Variants in SEL1L observed in about 807,000 individuals in gnomAD.
SEL1L encodes the protein protein sel-1 homolog 1.
In SEL1L, 52 loss-of-function variants were observed where a neutral mutation model predicts 109.8. That is an observed-to-expected ratio of 0.47 (90% CI 0.38 to 0.60). The LOEUF (loss-of-function observed/expected upper bound fraction) is 0.60. Among genes scored for constraint, SEL1L ranks in the 20% least tolerant of loss-of-function variants. The pLI is 0.00. For synonymous variants in SEL1L, 373 were observed against 339.6 expected (o/e 1.10, Z -1.08); for missense variants, 749 against 962.2 (o/e 0.78, Z 2.93).
chr14:81,508,321 G>A (rs920740554), intron 3 of SEL1L, among the ~76,000 whole-genome samples: 3 of 152,034 alleles, frequency 2.0e-5, no homozygotes, highest in African/African-American at 7.3e-5. Context: ...TTAAAGAAAG[G>A]ATCTCTAATG....
At chr14:81,530,644 C>T (rs1885285509) in intron 1 of SEL1L, among the ~76,000 whole-genome samples, 1 of 152,200 alleles carries the variant, frequency 6.6e-6, no homozygotes, top group Admixed American at 6.5e-5. Context: ...AACCTTTTCA[C>T]TATTATCCTG....
At chr14:81,490,291 A>C in intron 13 of SEL1L, 97 bp downstream of exon 13, 1 of 848,916 alleles carries the variant, frequency 1.2e-6, no homozygotes, top group South Asian at 1.6e-5. Context: ...AATGTATAGC[A>C]TGAGTTGGTT....
chr14:81,495,201 C>A, intron 10 of SEL1L, 64 bp from the exon 11 acceptor site: 4 of 1,431,360 alleles, frequency 2.8e-6, no homozygotes, highest in Non-Finnish European at 2.9e-6. Flanking sequence ...TAAAATCAGA[C>A]CAACAAGAAA....
Position 81,517,693 on chromosome 14 carries a change from C to T in SEL1L, c.340+9040G>A, listed in dbSNP as rs946623114. Among the ~76,000 whole-genome samples, 13 of 152,200 alleles carry T rather than the reference C, an allele frequency of 8.5e-5. 1 individual carries two copies. The highest frequency in any genetic ancestry group is 3.1e-4 in the African/African-American group (13 of 41,526). ...ATAGCTTTATATTTTGTGGCTATTGCATCTAGATGTATTGTAAAAATTAAA... is the reference window on the plus strand; with the variant it reads ...ATAGCTTTATATTTTGTGGCTATTGTATCTAGATGTATTGTAAAAATTAAA... On this transcript the variant is annotated intron_variant, in intron 3 of 20. Coordinates refer to ENST00000336735, the MANE Select transcript of SEL1L (RefSeq NM_005065.6).
At chr14:81,495,005 A>C in intron 11 of SEL1L, 76 bp downstream of exon 11, 4 of 1,421,204 alleles carry the variant, frequency 2.8e-6, no homozygotes, top group Non-Finnish European at 3.9e-6. Context: ...ACTGGTATTG[A>C]CTTAGCAAGA....
At chr14:81,510,558 C>A (rs2140033366) in intron 3 of SEL1L, among the ~76,000 whole-genome samples, 2 of 148,262 alleles carry the variant, frequency 1.3e-5, no homozygotes, top group African/African-American at 2.5e-5. Context: ...GGAATATAAG[C>A]ACATCTTTTT....
At chr14:81,518,475 C>T (rs1416444809) in intron 3 of SEL1L, among the ~76,000 whole-genome samples, 1 of 151,310 alleles carries the variant, frequency 6.6e-6, no homozygotes, top group African/African-American at 2.4e-5. Context: ...GCCTGGCCAA[C>T]CTGGTGAAAC....
At chr14:81,481,933 A>G (rs1286897501) in intron 19 of SEL1L, among the ~76,000 whole-genome samples, 2 of 152,028 alleles carry the variant, frequency 1.3e-5, no homozygotes, top group African/African-American at 4.8e-5. Flanking sequence ...CGGGAGGCTG[A>G]GGCAGGAGAA....
chr14:81,520,860 T>C (rs2140051595), intron 3 of SEL1L, among the ~76,000 whole-genome samples: 1 of 152,306 alleles, frequency 6.6e-6, no homozygotes, highest in East Asian at 1.9e-4. Context: ...AAACCAGTGA[T>C]GTCTCATGTC....
intron 3 of SEL1L, among the ~76,000 whole-genome samples, chr14:81,509,038 A>AC: frequency 6.6e-6 from 1 of 152,318 alleles, no homozygotes; most frequent in Non-Finnish European, 1.5e-5. Flanking sequence ...CAAAACTGCA[A>AC]CCTGTCAAAA....
At chr14:81,518,680 A>AT (rs1308013147) in intron 3 of SEL1L, among the ~76,000 whole-genome samples, 4 of 147,296 alleles carry the variant, frequency 2.7e-5, no homozygotes, top group Admixed American at 6.7e-5. Flanking sequence ...AAAAAAAAAA[A>AT]GGTAAAAAGA....
chr14:81,533,430 CAA>C (rs1885411846), intron 1 of SEL1L, among the ~76,000 whole-genome samples: 2 of 152,212 alleles, frequency 1.3e-5, no homozygotes, highest in Non-Finnish European at 2.9e-5. Flanking sequence ...AAGAGTCGCG[CAA>C]AGTTTGTTAC....
At chr14:81,490,544 A>G (rs892437381) in intron 12 of SEL1L, 79 bp from the exon 13 acceptor site, 15 of 1,085,356 alleles carry the variant, frequency 1.4e-5, no homozygotes, top group Non-Finnish European at 2.1e-5. Flanking sequence ...ATCTCCTTTG[A>G]GTTTTGTCAG....
At chr14:81,489,886 T>C (rs1003481998) in intron 13 of SEL1L, among the ~76,000 whole-genome samples, 1 of 152,172 alleles carries the variant, frequency 6.6e-6, no homozygotes, top group Admixed American at 6.5e-5. Flanking sequence ...AAGATTGTCA[T>C]AGCATTCCTT....
Position 81,499,464 on chromosome 14 carries a change from C to T in SEL1L, c.886G>A (p.Val296Ile), listed in dbSNP as rs1205403774. The T allele has an allele frequency of 6.2e-7, 1 of 1,610,670 alleles. No homozygotes were observed. Among genetic ancestry groups the T allele is most frequent in the Non-Finnish European group, 8.5e-7 (1 of 1,179,024 alleles). Residue 296 changes from valine to isoleucine, a missense_variant, in exon 8 of 21, where the codon GTT (valine) becomes ATT (isoleucine). This residue lies in a region of SEL1L where 366 missense variants were observed against 399.8 expected (regional missense o/e 0.92). Coordinates refer to ENST00000336735, the MANE Select transcript of SEL1L (RefSeq NM_005065.6). ...TTCCACTAAAGTCTACTTACCAAAA[C>T]CATGTGGGCTATTAGATTGCCCCCA... ...ALGGNLIAHM[V>I]LGYRYWAGIG...
In SEL1L at chr14:81,480,343, C is replaced by G. The variant is rs1481128691; in HGVS notation, c.2047-603G>C. On this transcript the variant is annotated intron_variant, in intron 19 of 20. Transcript: ENST00000336735. Reference sequence around the variant, plus strand: ...TAGCTGGGACTACAGGTGCCTGCCACCTCGCCCGGCTAATTTTTTGTATTT... The same window carrying G: ...TAGCTGGGACTACAGGTGCCTGCCAGCTCGCCCGGCTAATTTTTTGTATTT... Among the ~76,000 whole-genome samples, 9 of 152,312 alleles carry G rather than the reference C, an allele frequency of 5.9e-5. No individual in the cohort carries two copies. In the East Asian group the frequency reaches 1.7e-3, roughly 29 times the overall value.
At chr14:81,498,337 C>A in intron 9 of SEL1L, 76 bp downstream of exon 9, 2 of 1,227,060 alleles carry the variant, frequency 1.6e-6, no homozygotes, top group Non-Finnish European at 2.3e-6. Flanking sequence ...TCAAATAGAA[C>A]AATAAAAATA....
chr14:81,486,876 T>C lies in SEL1L; in HGVS notation c.1633-422A>G, dbSNP rs74461720. On this transcript the variant is annotated intron_variant, in intron 16 of 20. Transcript: ENST00000336735. Reference sequence around the variant, plus strand: ...AGCATTTATCAATGTCACTCTAAAGTGCCAAGTCTAAGAGAGAGCTAAGAG... The same window carrying C: ...AGCATTTATCAATGTCACTCTAAAGCGCCAAGTCTAAGAGAGAGCTAAGAG... 9.8e-3 allele frequency among the ~76,000 whole-genome samples: 1,497 copies of C among 152,236 alleles called. 22 individuals are homozygous for C. The highest frequency in any genetic ancestry group is 0.034 in the African/African-American group (1,408 of 41,548).
chr14:81,499,505 T>C lies in SEL1L; in HGVS notation c.845A>G (p.Tyr282Cys), dbSNP rs1883912746. ...ATTGCCCCCAAGAGCTCCAAATGTA[T>C]AATATACAAGAGCCTGTGAAAGAAC... is the stretch of plus-strand genomic sequence containing the variant. ...NSSQAKALVY[Y>C]TFGALGGNLI... Residue 282 changes from tyrosine to cysteine, a missense_variant, in exon 8 of 21, where the codon TAT becomes TGT. Tyr to Cys is a radical substitution (Grantham distance 194). Coordinates refer to ENST00000336735, the MANE Select transcript of SEL1L (RefSeq NM_005065.6). 6.2e-7 allele frequency: 1 copy of C among 1,612,638 alleles called. No homozygotes were observed. The highest frequency in any genetic ancestry group is 8.5e-7 in the Non-Finnish European group (1 of 1,179,596).
Sources: gnomAD v4.1 joint callset for allele counts (sites outside exome capture counted in the v4.1 genomes callset) on GRCh38, gnomAD v4.1.1 for gene constraint, gnomAD v4.1.1 regional missense constraint, MANE v1.5 for transcripts, NCBI Gene and HGNC (gene_info 2026-07-23, HGNC 2026-07-21) for gene names.